The following PCDHGA3 variants were observed in gnomAD, a reference collection of about 807,000 sequenced individuals.
The protein encoded by PCDHGA3 is protocadherin gamma subfamily A, 3, also known as protocadherin gamma-A3.
PCDHGA3 carries 40 observed loss-of-function variants against 58.5 expected under a neutral mutation model. The observed-to-expected ratio is 0.68, with a 90% CI of 0.53 to 0.89. The LOEUF (loss-of-function observed/expected upper bound fraction) is 0.89. Ranked by LOEUF, PCDHGA3 falls within the 40% of genes least tolerant of loss-of-function variation. The pLI is 0.00. For missense variants in PCDHGA3, 1,223 were observed against 1,195.9 expected (o/e 1.02, Z -0.33); for synonymous variants, 530 against 525.7 (o/e 1.01, Z -0.11).
chr5:141,403,033 G>T (rs764461706), intron 1 of PCDHGA3: 1 of 1,614,056 alleles, frequency 6.2e-7, no homozygotes, highest in Non-Finnish European at 8.5e-7. Flanking sequence ...GGGAGGCCAG[G>T]GCCAGTCAGA....
At chr5:141,372,318 C>T (rs1768657000) in intron 1 of PCDHGA3, 2 of 1,613,632 alleles carry the variant, frequency 1.2e-6, no homozygotes, top group Non-Finnish European at 1.7e-6. Context: ...CCGCCAGCGC[C>T]TGCTGGTCAC....
At chr5:141,428,155 G>A (rs767716956) in intron 1 of PCDHGA3, 7 of 1,581,618 alleles carry the variant, frequency 4.4e-6, no homozygotes, top group East Asian at 2.2e-5. Flanking sequence ...ACGGGAACCT[G>A]CTGGTTGCTG....
At chr5:141,351,422 T>C (rs369103466) in intron 1 of PCDHGA3, 4 of 1,611,720 alleles carry the variant, frequency 2.5e-6, no homozygotes, top group African/African-American at 1.3e-5. Context: ...AGAAGTTCCT[T>C]TCAAATTAGA....
intron 1 of PCDHGA3, chr5:141,383,437 C>T (rs965503415): frequency 6.3e-5 from 101 of 1,613,860 alleles, no homozygotes; most frequent in Non-Finnish European, 8.4e-5. Flanking sequence ...CCACTTCTCC[C>T]TGGCTGTGCA....
chr5:141,346,429 A>G lies in PCDHGA3; in HGVS notation c.2396A>G (p.Glu799Gly). 6.2e-7 allele frequency: 1 copy of G among 1,614,274 alleles called. No homozygotes were observed. Among genetic ancestry groups the G allele is most frequent in the Non-Finnish European group, 8.5e-7 (1 of 1,180,052 alleles). Residue 799 changes from glutamate (E) to glycine (G), a missense_variant, in exon 1 of 4, where the codon GAA becomes GGA. By Grantham distance (98) the Glu-to-Gly change is moderately conservative. Coordinates refer to ENST00000253812, the MANE Select transcript of PCDHGA3 (RefSeq NM_018916.4). ...EPLLITQDLL[E>G]MKGDSNLLQQ... Reference sequence around the variant, plus strand: ...CTTCTGATAACTCAGGATTTACTTGAAATGAAAGGAGATTCCAACCTACTT... The same window carrying G: ...CTTCTGATAACTCAGGATTTACTTGGAATGAAAGGAGATTCCAACCTACTT...
chr5:141,395,448 T>C, intron 1 of PCDHGA3: 1 of 647,116 alleles, frequency 1.5e-6, no homozygotes, highest in Non-Finnish European at 2.5e-6. Flanking sequence ...GAAAAGATTG[T>C]TCAACCATTT....
intron 1 of PCDHGA3, chr5:141,478,684 T>C: frequency 6.4e-7 from 1 of 1,551,340 alleles, no homozygotes; most frequent in Non-Finnish European, 8.7e-7. Flanking sequence ...TGGCCCTTCC[T>C]AGATCAAAGT....
rs771341809 is a variant in PCDHGA3 at position 141,404,607 on chromosome 5, T to C, written c.2424+58150T>C. 5 of 1,613,938 alleles carry C rather than the reference T, an allele frequency of 3.1e-6. No homozygotes were observed. The African/African-American group carries it at 6.7e-5, about 22-fold the overall frequency. ...AGCAATGTGTCATTGAGACTGTTTG[T>C]TTTGGACCAGAATGACAATGCCCCA... On this transcript the variant is annotated intron_variant, in intron 1 of 3. Coordinates refer to ENST00000253812, the MANE Select transcript of PCDHGA3 (RefSeq NM_018916.4).
rs543366398 is a variant in PCDHGA3 at position 141,390,062 on chromosome 5, G to A, written c.2424+43605G>A. On this transcript the variant is annotated intron_variant, in intron 1 of 3. Coordinates refer to ENST00000253812, the MANE Select transcript of PCDHGA3 (RefSeq NM_018916.4). ...GCCCCGCCTCCTGGAGCTGCTTCCAGCCTGGTCTCTGTGTTAAATCCGAAT... is the reference window on the plus strand; with the variant it reads ...GCCCCGCCTCCTGGAGCTGCTTCCAACCTGGTCTCTGTGTTAAATCCGAAT... 101 of 1,614,064 alleles carry A rather than the reference G, an allele frequency of 6.3e-5. 1 individual carries two copies. The Admixed American group carries it at 8.2e-4, about 13-fold the overall frequency.
intron 1 of PCDHGA3, chr5:141,421,214 G>T (rs1469085534): frequency 5.1e-6 from 8 of 1,561,612 alleles, no homozygotes; most frequent in Non-Finnish European, 6.9e-6. Flanking sequence ...CGGAATATCG[G>T]CTTAGAGCCT....
chr5:141,392,916 G>A, intron 1 of PCDHGA3: 1 of 1,613,936 alleles, frequency 6.2e-7, no homozygotes, highest in Non-Finnish European at 8.5e-7. Context: ...TCGCTACTCT[G>A]TGCCAGAAGA....
rs760432512 is a variant in PCDHGA3, at chr5:141,346,043, C to T, written c.2010C>T (p.Asp670=). The T allele has an allele frequency of 3.7e-6, 6 of 1,613,604 alleles. No homozygotes were observed. In the East Asian group the frequency reaches 6.7e-5, roughly 18 times the overall value. Residue 670 remains aspartate (D), a synonymous_variant, in exon 1 of 4, where the codon GAC becomes GAT. Coordinates refer to ENST00000253812, the MANE Select transcript of PCDHGA3 (RefSeq NM_018916.4). Reference sequence around the variant, plus strand: ...TGGCCGTGGCCGACAGGATCCCCGACATCCTGGCCGACCTGGGCAGCCTCG... The same window carrying T: ...TGGCCGTGGCCGACAGGATCCCCGATATCCTGGCCGACCTGGGCAGCCTCG... The part of the protein sequence containing the change: ...LTVAVADRIP[D]ILADLGSLEP...
At chr5:141,455,208 A>G (rs1450523873) in intron 1 of PCDHGA3, among the ~76,000 whole-genome samples, 1 of 151,996 alleles carries the variant, frequency 6.6e-6, no homozygotes, top group Non-Finnish European at 1.5e-5. Context: ...AACCAATAAG[A>G]GTTTTTAATG....
At chr5:141,363,810 T>C (rs1763071623) in intron 1 of PCDHGA3, among the ~76,000 whole-genome samples, 1 of 152,204 alleles carries the variant, frequency 6.6e-6, no homozygotes, top group Non-Finnish European at 1.5e-5. Flanking sequence ...AAATCTTGAA[T>C]CCTACAAAGG....
chr5:141,355,453 G>A, intron 1 of PCDHGA3: 2 of 1,614,094 alleles, frequency 1.2e-6, no homozygotes, highest in South Asian at 1.1e-5. Flanking sequence ...CGGCACCTTG[G>A]TCACCGCGGG....
Position 141,438,619 on chromosome 5 carries a change from T to C in PCDHGA3, c.2425-56188T>C, listed in dbSNP as rs1053855444. Reference sequence around the variant, plus strand: ...ATATATATATATATATATATATATATATATATATATATATATACACACACA... The same window carrying C: ...ATATATATATATATATATATATATACATATATATATATATATACACACACA... On this transcript the variant is annotated intron_variant, in intron 1 of 3. Transcript: ENST00000253812. 1.0e-4 allele frequency among the ~76,000 whole-genome samples: 4 copies of C among 39,678 alleles called. No homozygotes were observed. The East Asian group carries it at 2.5e-3, about 25-fold the overall frequency. The allele number at this position is 39,678 out of a possible 152,430, so 26.0% of individuals were successfully genotyped here.
At chr5:141,460,961 A>ATG (rs35821115) in intron 1 of PCDHGA3, among the ~76,000 whole-genome samples, 128 of 144,610 alleles carry the variant, frequency 8.9e-4, no homozygotes, top group Middle Eastern at 7.1e-3. Context: ...GTATATATAT[A>ATG]TGTGTGTGTG....
chr5:141,455,550 G>C lies in PCDHGA3; in HGVS notation c.2425-39257G>C, dbSNP rs1195359804. On this transcript the variant is annotated intron_variant, in intron 1 of 3. Transcript: ENST00000253812. ...ACCAGGCATATCATTCACGTAGCCC[G>C]AGAAAAAGCTGGCCCTCCCACCCCA... 2.0e-5 allele frequency among the ~76,000 whole-genome samples: 3 copies of C among 152,138 alleles called. No individual in the cohort carries two copies. In the South Asian group the frequency reaches 6.2e-4, roughly 32 times the overall value.
At chr5:141,457,393 T>G (rs1299068071) in intron 1 of PCDHGA3, among the ~76,000 whole-genome samples, 1 of 152,228 alleles carries the variant, frequency 6.6e-6, no homozygotes, top group African/African-American at 2.4e-5. Flanking sequence ...AGCATATTGA[T>G]TCACATTTTC....
Sources: allele counts gnomAD v4.1 joint callset (sites outside exome capture counted in the v4.1 genomes callset), GRCh38; gene constraint gnomAD v4.1.1; transcripts MANE v1.5; gene names NCBI Gene and HGNC (gene_info 2026-07-23, HGNC 2026-07-21).